The following PRELID2 variants were observed in gnomAD, a reference collection of about 807,000 sequenced individuals.
PRELID2 encodes the protein PRELI domain containing 2.
Under a neutral mutation model 28.4 loss-of-function variants are expected in PRELID2, and 25 were observed. The observed-to-expected ratio is 0.88, with a 90% CI of 0.64 to 1.23. The LOEUF is 1.23. Ranked by LOEUF, PRELID2 falls within the 50% of genes most tolerant of loss-of-function variation. The probability of loss-of-function intolerance (pLI) is 0.00; values close to 1 mark genes in which losing one functional copy is unlikely to be tolerated. For missense variants in PRELID2, 201 were observed against 214.4 expected (o/e 0.94, Z 0.39); for synonymous variants, 76 against 71.6 (o/e 1.06, Z -0.31).
the PRELID2 span, among the ~76,000 whole-genome samples, chr5:145,356,956 CT>C: frequency 6.6e-6 from 1 of 152,100 alleles, no homozygotes; most frequent in Non-Finnish European, 1.5e-5. Flanking sequence ...TCCTTAGCAA[CT>C]GCTTGTCTGA....
chr5:145,246,021 G>T, the PRELID2 span, among the ~76,000 whole-genome samples: 1 of 152,000 alleles, frequency 6.6e-6, no homozygotes, highest in Non-Finnish European at 1.5e-5. Context: ...GGGACACAAT[G>T]AAACAGATCA....
the PRELID2 span, among the ~76,000 whole-genome samples, chr5:145,244,576 G>A: frequency 4.6e-5 from 7 of 152,058 alleles, no homozygotes; most frequent in African/African-American, 1.4e-4. Flanking sequence ...ACAGTTTCAC[G>A]GCACACAGAC....
chr5:145,522,712 T>C (rs1275724799), intron 1 of PRELID2, among the ~76,000 whole-genome samples: 2 of 151,326 alleles, frequency 1.3e-5, no homozygotes, highest in Non-Finnish European at 2.9e-5. Context: ...CTGGGGAAGA[T>C]ACATTACCAG....
intron 1 of PRELID2, among the ~76,000 whole-genome samples, chr5:145,635,978 T>C (rs774616600): frequency 7.2e-5 from 11 of 152,212 alleles, no homozygotes; most frequent in Non-Finnish European, 1.3e-4. Context: ...AGCTGAACCA[T>C]GAGTGTGGAC....
At chr5:145,741,988 A>ATAAATTTATAAGTAAATAAATTT (rs1756813198) in intron 1 of PRELID2, among the ~76,000 whole-genome samples, 1 of 123,800 alleles carries the variant, frequency 8.1e-6, no homozygotes, top group Non-Finnish European at 1.6e-5. Context: ...AATTATAATA[A>ATAAATTTATAAGTAAATAAATTT]ATTTATTATA....
rs191643542 is a variant in PRELID2, at chr5:145,533,106, C to T, written n.71-59791G>A. Among the ~76,000 whole-genome samples the T allele has an allele frequency of 1.0e-3, 155 of 152,178 alleles. 2 individuals carry two copies. Among genetic ancestry groups the T allele is most frequent in the African/African-American group, 3.6e-3 (149 of 41,552 alleles). ...ATGGGTCTTGACCACATGGTTCACACTAAATATATGTTATTACTATTATCC... is the reference window on the plus strand; with the variant it reads ...ATGGGTCTTGACCACATGGTTCACATTAAATATATGTTATTACTATTATCC... On this transcript the variant is annotated intron_variant and non_coding_transcript_variant, in intron 1 of 2. Transcript: ENST00000510259.
At chr5:145,533,476 C>T (rs1435004469) in intron 1 of PRELID2, among the ~76,000 whole-genome samples, 1 of 152,056 alleles carries the variant, frequency 6.6e-6, no homozygotes, top group Admixed American at 6.6e-5. Flanking sequence ...GGTGGAATAA[C>T]TCTCTTTGAG....
the PRELID2 span, among the ~76,000 whole-genome samples, chr5:145,353,459 T>A: frequency 1.3e-5 from 2 of 148,708 alleles, no homozygotes; most frequent in Non-Finnish European, 3.0e-5. Flanking sequence ...CTAGAATCCA[T>A]CTCAAAAAAA....
intron 1 of PRELID2, among the ~76,000 whole-genome samples, chr5:145,598,194 TAAGAA>T (rs1033477008): frequency 6.6e-6 from 1 of 152,042 alleles, no homozygotes; most frequent in Non-Finnish European, 1.5e-5. Context: ...CAAGGGGTGG[TAAGAA>T]AAGAGAAGTC....
At chr5:145,652,746 G>A (rs1321809464) in intron 1 of PRELID2, among the ~76,000 whole-genome samples, 1 of 152,168 alleles carries the variant, frequency 6.6e-6, no homozygotes, top group Non-Finnish European at 1.5e-5. Flanking sequence ...AGCTCCTGGA[G>A]GAAGCACTAA....
At chr5:145,617,045 G>C (rs1324103270) in intron 1 of PRELID2, among the ~76,000 whole-genome samples, 2 of 152,216 alleles carry the variant, frequency 1.3e-5, no homozygotes, top group African/African-American at 4.8e-5. Context: ...TTTGAAAGAA[G>C]AGAAATATGG....
At chr5:145,315,064 C>CT in the PRELID2 span, among the ~76,000 whole-genome samples, 2,928 of 100,566 alleles carry the variant, frequency 0.029, 36 homozygotes, top group Non-Finnish European at 0.039. Context: ...TACAATAATT[C>CT]TTTTTTTTTT....
At chr5:145,597,446 T>C (rs1447806598) in intron 1 of PRELID2, among the ~76,000 whole-genome samples, 1 of 152,122 alleles carries the variant, frequency 6.6e-6, no homozygotes, top group Admixed American at 6.6e-5. Flanking sequence ...CTGACAGGGG[T>C]ATCAAAGCAT....
chr5:145,611,118 C>G (rs528798234), intron 1 of PRELID2, among the ~76,000 whole-genome samples: 7 of 151,542 alleles, frequency 4.6e-5, no homozygotes, highest in Non-Finnish European at 1.0e-4. Flanking sequence ...CAGTGAAGAT[C>G]CAAAGACTGT....
At chr5:145,488,469 A>T (rs1752241629) in intron 1 of PRELID2, among the ~76,000 whole-genome samples, 1 of 152,134 alleles carries the variant, frequency 6.6e-6, no homozygotes, top group Admixed American at 6.5e-5. Flanking sequence ...GTTCAGTTAG[A>T]GTTGGGTTTC....
the PRELID2 span, among the ~76,000 whole-genome samples, chr5:145,231,967 G>T: frequency 2.0e-5 from 3 of 151,914 alleles, no homozygotes; most frequent in East Asian, 5.8e-4. Flanking sequence ...CTGTATTCAG[G>T]GAGTAATTTA....
chr5:145,239,922 A>G, the PRELID2 span, among the ~76,000 whole-genome samples: 242 of 152,148 alleles, frequency 1.6e-3, 1 homozygote, highest in African/African-American at 5.7e-3. Flanking sequence ...AGCAGCCACA[A>G]TTTGTGCTAA....
In PRELID2 at chr5:145,545,950, G is replaced by A. The variant is rs1430852263; in HGVS notation, n.71-72635C>T. ...ATAGAAGTGGAAAGTGGCATAGCAA[G>A]GATCCAAATCTATAGATAATCTGAG... On this transcript the variant is annotated intron_variant and non_coding_transcript_variant, in intron 1 of 2. Coordinates refer to the PRELID2 transcript ENST00000510259. Among the ~76,000 whole-genome samples, 3 of 152,198 alleles carry A rather than the reference G, an allele frequency of 2.0e-5. No homozygotes were observed. In the East Asian group the frequency reaches 5.8e-4, roughly 29 times the overall value.
At chr5:145,447,575 C>T in the PRELID2 span, among the ~76,000 whole-genome samples, 3 of 133,646 alleles carry the variant, frequency 2.2e-5, no homozygotes, top group South Asian at 5.4e-4. Flanking sequence ...CACCCACTAA[C>T]TCGTCATCTA....
Sources: allele counts gnomAD v4.1 joint callset (sites outside exome capture counted in the v4.1 genomes callset), GRCh38; gene constraint gnomAD v4.1.1; transcripts MANE v1.5; gene names NCBI Gene and HGNC (gene_info 2026-07-23, HGNC 2026-07-21).